The following MRTFB variants were observed in gnomAD, a reference collection of about 807,000 sequenced individuals.
The protein encoded by MRTFB is myocardin related transcription factor B.
Under a neutral mutation model 104.2 loss-of-function variants are expected in MRTFB, and 29 were observed. The ratio of observed to expected loss-of-function variants is 0.28; its 90% CI spans 0.21 to 0.38. MRTFB has a LOEUF of 0.38. MRTFB is among the 10% of genes least tolerant of loss of function. MRTFB has a pLI of 1.00. For missense variants in MRTFB, 1,270 were observed against 1,341.6 expected (o/e 0.95, Z 0.83); for synonymous variants, 535 against 519.5 (o/e 1.03, Z -0.41).
intron 15 of MRTFB, among the ~76,000 whole-genome samples, chr16:14,253,176 G>A (rs2151438433): frequency 6.6e-6 from 1 of 152,144 alleles, no homozygotes; most frequent in East Asian, 1.9e-4. Flanking sequence ...CCCATGGTGG[G>A]TGCCCAGTCA....
At chr16:14,127,223 G>A (rs1332141908) in intron 2 of MRTFB, among the ~76,000 whole-genome samples, 1 of 152,162 alleles carries the variant, frequency 6.6e-6, no homozygotes, top group Non-Finnish European at 1.5e-5. Context: ...TTACTAAGAT[G>A]AATATGCAAA....
At position 14,213,621 on chromosome 16, in the gene MRTFB, G is replaced by C; in HGVS notation, c.352+1G>C. On this transcript the variant is annotated splice_donor_variant, in intron 6 of 16. Transcript: ENST00000571589. LOFTEE classifies it high-confidence loss of function. Reference sequence around the variant, plus strand: ...CTTGTCAGGATGCACATTTTAGAAGGTAAAGGATTTATTTCTTCTTAATCT... The same window carrying C: ...CTTGTCAGGATGCACATTTTAGAAGCTAAAGGATTTATTTCTTCTTAATCT... 1 of 1,577,590 alleles carries C rather than the reference G, an allele frequency of 6.3e-7. No homozygotes were observed. Among genetic ancestry groups the C allele is most frequent in the Non-Finnish European group, 8.6e-7 (1 of 1,161,030 alleles).
the MRTFB span, among the ~76,000 whole-genome samples, chr16:14,064,024 T>C: frequency 6.6e-6 from 1 of 152,268 alleles, no homozygotes; most frequent in African/African-American, 2.4e-5. Context: ...ATGGTAGTTC[T>C]GTTTTAAGTT....
the MRTFB span, among the ~76,000 whole-genome samples, chr16:14,048,801 C>A: frequency 2.0e-5 from 3 of 152,154 alleles, no homozygotes; most frequent in East Asian, 5.8e-4. Flanking sequence ...TCCACCACCC[C>A]CTTTTGATTT....
At chr16:14,228,091 C>T (rs1404088398) in intron 8 of MRTFB, among the ~76,000 whole-genome samples, 2 of 152,178 alleles carry the variant, frequency 1.3e-5, no homozygotes, top group Non-Finnish European at 2.9e-5. Context: ...AAGATACCAC[C>T]TCATGCCCAT....
chr16:14,127,925 ATATATTTTT>A (rs1438825834), intron 2 of MRTFB, among the ~76,000 whole-genome samples: 1 of 38,436 alleles, frequency 2.6e-5, no homozygotes, highest in Non-Finnish European at 3.9e-5. Context: ...ATATATATAT[ATATATTTTT>A]TTTTTTTTTT....
At chr16:14,034,821 T>C in the MRTFB span, among the ~76,000 whole-genome samples, 1 of 152,140 alleles carries the variant, frequency 6.6e-6, no homozygotes, top group South Asian at 2.1e-4. Flanking sequence ...AGTAAGGACT[T>C]CACCATCTCT....
chr16:14,118,597 T>C (rs2036667858), intron 2 of MRTFB, among the ~76,000 whole-genome samples: 1 of 151,362 alleles, frequency 6.6e-6, no homozygotes, highest in African/African-American at 2.4e-5. Flanking sequence ...AGCTCAAGAG[T>C]TCGAGACCGG....
chr16:14,056,387 T>C, the MRTFB span, among the ~76,000 whole-genome samples: 1 of 152,178 alleles, frequency 6.6e-6, no homozygotes. Flanking sequence ...TATTATGGAC[T>C]CATGGGTATT....
intron 3 of MRTFB, among the ~76,000 whole-genome samples, chr16:14,149,987 T>C (rs1055649217): frequency 1.2e-4 from 18 of 152,148 alleles, no homozygotes; most frequent in African/African-American, 4.1e-4. Flanking sequence ...TTGAATGAAA[T>C]AAAGCATCTA....
upstream of MRTFB, among the ~76,000 whole-genome samples, chr16:14,068,907 G>A (rs565250940): frequency 2.4e-4 from 36 of 151,238 alleles, no homozygotes; most frequent in South Asian, 2.1e-3. Flanking sequence ...TTTCTCTTCC[G>A]GAGCCAGGAC....
chr16:14,060,957 T>G, the MRTFB span, among the ~76,000 whole-genome samples: 1 of 152,042 alleles, frequency 6.6e-6, no homozygotes, highest in African/African-American at 2.4e-5. Context: ...CCATCCTGGC[T>G]AACACAGTGA....
the MRTFB span, among the ~76,000 whole-genome samples, chr16:14,045,222 C>G: frequency 1.3e-5 from 2 of 152,188 alleles, no homozygotes; most frequent in African/African-American, 4.8e-5. Flanking sequence ...CTCTGCCTAA[C>G]TCTGTTGTAA....
At chr16:14,174,794 C>T (rs1159989702) in intron 3 of MRTFB, among the ~76,000 whole-genome samples, 1 of 152,166 alleles carries the variant, frequency 6.6e-6, no homozygotes, top group Non-Finnish European at 1.5e-5. Flanking sequence ...ATCTGTAATA[C>T]ACATCAGTTA....
rs1354180349 is a variant in MRTFB at position 14,266,575 on chromosome 16, A to G, written c.*5131A>G. The G allele has an allele frequency of 6.6e-6, 1 of 152,212 alleles. No individual in the cohort carries two copies. Among genetic ancestry groups the G allele is most frequent in the Non-Finnish European group, 1.5e-5 (1 of 68,040 alleles). 9.4% of individuals were successfully genotyped at this position (152,212 alleles called of 1,614,324 possible). On this transcript the variant is annotated 3_prime_UTR_variant, in exon 17 of 17. Coordinates refer to ENST00000571589, the MANE Select transcript of MRTFB (RefSeq NM_001308142.2). ...TGTATTTGCTGTTTGCACCCCTGAAATCAATTCCATATCATGTTTGAATGC... is the reference window on the plus strand; with the variant it reads ...TGTATTTGCTGTTTGCACCCCTGAAGTCAATTCCATATCATGTTTGAATGC...
intron 2 of MRTFB, among the ~76,000 whole-genome samples, chr16:14,086,843 A>G (rs1161393870): frequency 6.6e-6 from 1 of 152,176 alleles, no homozygotes; most frequent in Non-Finnish European, 1.5e-5. Context: ...TGCATTTGTA[A>G]TAATTTTTAC....
chr16:14,142,145 G>A (rs989966964), intron 3 of MRTFB: 3 of 151,498 alleles, frequency 2.0e-5, no homozygotes, highest in Non-Finnish European at 4.4e-5. Context: ...GGCCAATTTT[G>A]ATAGGTTTAA....
intron 10 of MRTFB, among the ~76,000 whole-genome samples, chr16:14,245,260 T>G (rs145693475): frequency 2.0e-5 from 3 of 152,336 alleles, no homozygotes; most frequent in East Asian, 3.9e-4. Context: ...GCTTTGCTTT[T>G]CTTCAAGGAT....
intron 3 of MRTFB, among the ~76,000 whole-genome samples, chr16:14,168,217 A>ATGTGTGTGTGTG (rs61205256): frequency 0.023 from 3,479 of 148,090 alleles, 145 homozygotes; most frequent in African/African-American, 0.08. Context: ...TAAAGATAAA[A>ATGTGTGTGTGTG]TGTGTGTGTG....
Sources: allele counts gnomAD v4.1 joint callset (sites outside exome capture counted in the v4.1 genomes callset), GRCh38; gene constraint gnomAD v4.1.1; transcripts MANE v1.5; gene names NCBI Gene and HGNC (gene_info 2026-07-23, HGNC 2026-07-21).